The following MYO16 variants were observed in gnomAD, a reference collection of about 807,000 sequenced individuals.
The protein encoded by MYO16 is unconventional myosin-XVI.
Under a neutral mutation model 205.3 loss-of-function variants are expected in MYO16, and 94 were observed. The ratio of observed to expected loss-of-function variants is 0.46; its 90% CI spans 0.39 to 0.54. MYO16 has a LOEUF of 0.54. MYO16 is among the 20% of genes least tolerant of loss of function. MYO16 has a pLI of 0.00. For missense variants in MYO16, 2,315 were observed against 2,387.5 expected, an observed-to-expected ratio of 0.97 and a Z score of 0.63; for synonymous variants, 988 against 954.0, an observed-to-expected ratio of 1.04 and a Z score of -0.66.
chr13:108,567,277 T>C, the MYO16 span, among the ~76,000 whole-genome samples: 110 of 152,208 alleles, frequency 7.2e-4, no homozygotes, highest in East Asian at 0.021. Context: ...TGAACAAAAC[T>C]TGATGACTGG....
At chr13:108,559,631 G>T in the MYO16 span, among the ~76,000 whole-genome samples, 2 of 151,304 alleles carry the variant, frequency 1.3e-5, no homozygotes, top group East Asian at 3.9e-4. Context: ...CCGCCACCAC[G>T]CCCGGCTAAT....
chr13:109,088,614 A>G (rs1231618738), intron 27 of MYO16, among the ~76,000 whole-genome samples: 1 of 152,150 alleles, frequency 6.6e-6, no homozygotes, highest in Non-Finnish European at 1.5e-5. Flanking sequence ...TTAATGACAT[A>G]AAGTACATGA....
intron 16 of MYO16, among the ~76,000 whole-genome samples, chr13:108,943,629 T>C (rs1280939692): frequency 6.6e-6 from 1 of 152,094 alleles, no homozygotes; most frequent in East Asian, 1.9e-4. Context: ...TTTAGTATTT[T>C]TAGTAGAGAT....
chr13:108,718,877 C>T (rs987190234), intron 3 of MYO16, among the ~76,000 whole-genome samples: 71 of 151,990 alleles, frequency 4.7e-4, no homozygotes, highest in African/African-American at 1.6e-3. Flanking sequence ...GACCTGCCTG[C>T]GGATGTATTT....
Position 109,125,035 on chromosome 13 carries a change from T to C in MYO16, c.3536-77T>C. The stretch of plus-strand genomic sequence containing the variant: ...TTCTACAACTGCTCAGAGATAAGTA[T>C]ATTATGATTTTTGTTTGTGCATGTC... On this transcript the variant is annotated intron_variant, in intron 29 of 34. Transcript: ENST00000457511. This position sits in a 1 kb window ranked among gnomAD's most constrained non-coding sequence, Gnocchi z 4.0. 6.9e-7 allele frequency: 1 copy of C among 1,445,704 alleles called. No homozygotes were observed. Among genetic ancestry groups the C allele is most frequent in the African/African-American group, 1.4e-5 (1 of 70,572 alleles). 89.6% of individuals were successfully genotyped at this position (1,445,704 alleles called of 1,614,324 possible). A position where few individuals can be genotyped will look rare whatever the true frequency, so the allele number is the denominator to read the frequency against.
chr13:109,179,536 CAATAGGTTTACCTG>C lies in MYO16; in HGVS notation c.5324-3_5334del. 6.2e-7 allele frequency: 1 copy of C among 1,609,978 alleles called. No individual in the cohort carries two copies. The highest frequency in any genetic ancestry group is 8.5e-7 in the Non-Finnish European group (1 of 1,176,260). ...CTTAACTCCCGATTTGTGTTGACCTCAATAGGTTTACCTGAAGAAGATGGATACTCACGGTTGTC... is the reference window on the plus strand; with the variant it reads ...CTTAACTCCCGATTTGTGTTGACCTCAAGAAGATGGATACTCACGGTTGTC... On this transcript the variant is annotated splice_acceptor_variant and splice_polypyrimidine_tract_variant and coding_sequence_variant and intron_variant, in exon 34 of 35. Transcript: ENST00000457511. LOFTEE classifies it high-confidence loss of function.
intron 23 of MYO16, among the ~76,000 whole-genome samples, chr13:109,033,517 C>T (rs1886610386): frequency 6.6e-6 from 1 of 152,176 alleles, no homozygotes; most frequent in Non-Finnish European, 1.5e-5. Flanking sequence ...AGGAGTTTCT[C>T]AGCTGTCAGC....
chr13:108,779,770 A>T (rs1390353705), intron 4 of MYO16: 1 of 152,206 alleles, frequency 6.6e-6, no homozygotes, highest in Non-Finnish European at 1.5e-5. Flanking sequence ...GGCAAGAACC[A>T]CAAGAAGCCC....
chr13:108,621,443 A>G (rs1879537979), intron 1 of MYO16, among the ~76,000 whole-genome samples: 1 of 152,194 alleles, frequency 6.6e-6, no homozygotes, highest in South Asian at 2.1e-4. Flanking sequence ...TTCTATTTCT[A>G]GAAATTCATT....
chr13:108,563,614 A>G, the MYO16 span, among the ~76,000 whole-genome samples: 1 of 152,136 alleles, frequency 6.6e-6, no homozygotes, highest in East Asian at 1.9e-4. Context: ...TATCTGGCTT[A>G]TTTCACTTAA....
At chr13:109,129,598 G>A (rs549610716) in intron 31 of MYO16, among the ~76,000 whole-genome samples, 1 of 152,134 alleles carries the variant, frequency 6.6e-6, no homozygotes, top group Non-Finnish European at 1.5e-5. Flanking sequence ...TCTCAAAAAG[G>A]TGTGATTAGA....
intron 2 of MYO16, among the ~76,000 whole-genome samples, chr13:108,678,477 C>T (rs1882324721): frequency 6.6e-6 from 1 of 152,140 alleles, no homozygotes; most frequent in African/African-American, 2.4e-5. Context: ...TGTCTGTACT[C>T]ATGAGTTCGA....
chr13:108,626,594 G>A (rs998699141), upstream of MYO16, among the ~76,000 whole-genome samples: 12 of 151,912 alleles, frequency 7.9e-5, no homozygotes, highest in African/African-American at 1.5e-4. Context: ...GCTCACCTGA[G>A]GTCAAGCCTG....
At chr13:109,073,536 T>G (rs947380778) in intron 27 of MYO16, among the ~76,000 whole-genome samples, 2 of 152,182 alleles carry the variant, frequency 1.3e-5, no homozygotes, top group East Asian at 1.9e-4. Flanking sequence ...ATAAGGGGTA[T>G]CTAAGCCTAA....
At chr13:108,541,169 T>A in the MYO16 span, among the ~76,000 whole-genome samples, 23 of 152,140 alleles carry the variant, frequency 1.5e-4, no homozygotes, top group East Asian at 3.3e-3. Flanking sequence ...ATTGACTATT[T>A]GTGACAATAT....
chr13:108,545,578 T>G, the MYO16 span, among the ~76,000 whole-genome samples: 1 of 152,236 alleles, frequency 6.6e-6, no homozygotes, highest in Non-Finnish European at 1.5e-5. Flanking sequence ...ATTGCCAAAC[T>G]GCTTTCCACA....
Position 108,855,508 on chromosome 13 carries a change from C to G in MYO16, c.1314C>G (p.Ser438Arg), listed in dbSNP as rs1339379814. 1 of 1,598,084 alleles carries G rather than the reference C, an allele frequency of 6.3e-7. No homozygotes were observed. The highest frequency in any genetic ancestry group is 8.6e-7 in the Non-Finnish European group (1 of 1,167,456). The part of the protein sequence containing the change: ...LATLSELNDG[S>R]LLYEIQKRFG... ...CGCTCAGCGAGCTCAATGATGGCAG[C>G]CTGCTCTATGAGATTCAGAAGCGCT... Residue 438 changes from serine (S) to arginine (R), a missense_variant, in exon 11 of 35, where the codon AGC becomes AGG. Coordinates refer to ENST00000457511, the MANE Select transcript of MYO16 (RefSeq NM_001198950.3).
At chr13:108,833,638 C>T (rs1369922623) in intron 9 of MYO16, among the ~76,000 whole-genome samples, 1 of 152,020 alleles carries the variant, frequency 6.6e-6, no homozygotes, top group South Asian at 2.1e-4. Context: ...ATAATTGTTG[C>T]CTTTGTTAGT....
rs536288545 is a variant in MYO16, at chr13:108,815,265, G to A, written c.868-5072G>A. Among the ~76,000 whole-genome samples, 3 of 152,256 alleles carry A rather than the reference G, an allele frequency of 2.0e-5. No individual in the cohort carries two copies. The South Asian group carries it at 6.2e-4, about 32-fold the overall frequency. On this transcript the variant is annotated intron_variant, in intron 7 of 34. Coordinates refer to ENST00000457511, the MANE Select transcript of MYO16 (RefSeq NM_001198950.3). ...GAATAGTGCCCCCAACGATGTCCATGTCCTAATCCGCAGAACCTGTCAATA... is the reference window on the plus strand; with the variant it reads ...GAATAGTGCCCCCAACGATGTCCATATCCTAATCCGCAGAACCTGTCAATA...
Sources: allele counts gnomAD v4.1 joint callset (sites outside exome capture counted in the v4.1 genomes callset), GRCh38; gene constraint gnomAD v4.1.1; non-coding constraint Gnocchi (gnomAD v3.1); transcripts MANE v1.5; gene names NCBI Gene and HGNC (gene_info 2026-07-23, HGNC 2026-07-21).